NAV3: variants seen among roughly 807,000 people sequenced by gnomAD.
The protein encoded by NAV3 is neuron navigator 3, also known as pore membrane and/or filament interacting like protein 1.
Under a neutral mutation model 244.7 loss-of-function variants are expected in NAV3, and 87 were observed. That is an observed-to-expected ratio of 0.36 (90% CI 0.30 to 0.42). The LOEUF (loss-of-function observed/expected upper bound fraction) is 0.42. Among genes scored for constraint, NAV3 ranks in the 20% least tolerant of loss-of-function variants. The pLI, the probability that NAV3 is intolerant of heterozygous loss-of-function variation, is 1.00. For synonymous variants in NAV3, 1,126 were observed against 1,042.2 expected (o/e 1.08, Z -1.55); for missense variants, 2,663 against 2,893.3 (o/e 0.92, Z 1.83).
chr12:77,769,212 A>G (rs1435956717), intron 2 of NAV3, among the ~76,000 whole-genome samples: 2 of 152,206 alleles, frequency 1.3e-5, no homozygotes, highest in African/African-American at 2.4e-5. Flanking sequence ...ACTACAATAT[A>G]GTTGCTGCAT....
Position 78,178,160 on chromosome 12 carries a change from GTTT to G in NAV3, c.5363+490_5363+492del, listed in dbSNP as rs3054763. Among the ~76,000 whole-genome samples, 190 of 120,554 alleles carry G rather than the reference GTTT, an allele frequency of 1.6e-3. 1 individual carries two copies. The highest frequency in any genetic ancestry group is 4.2e-3 in the African/African-American group (144 of 34,202). 79.1% of individuals were successfully genotyped at this position (120,554 alleles called of 152,430 possible). A position where few individuals can be genotyped will look rare whatever the true frequency, so the allele number is the denominator to read the frequency against. ...TGGTCTCTATCTTCCTCAAAATAGT[GTTT>G]TTTTTTTTTTTTTTGAAACAAAGTC... On this transcript the variant is annotated intron_variant, in intron 28 of 39. Coordinates refer to ENST00000397909, the MANE Select transcript of NAV3 (RefSeq NM_001024383.2).
At chr12:77,582,532 TATTA>T (rs577957835) in intron 2 of NAV3, among the ~76,000 whole-genome samples, 164 of 152,346 alleles carry the variant, frequency 1.1e-3, no homozygotes, top group African/African-American at 3.8e-3. Context: ...TAGGAAGTTT[TATTA>T]ATTGTTAGGA....
chr12:78,078,375 C>CTTTTTTTTTTTT (rs71088356), intron 12 of NAV3, among the ~76,000 whole-genome samples: 1 of 67,808 alleles, frequency 1.5e-5, no homozygotes, highest in African/African-American at 6.0e-5. Flanking sequence ...TCTTTCCACT[C>CTTTTTTTTTTTT]TTTTTTTTTT....
chr12:78,065,578 G>A (rs1312995403), intron 12 of NAV3, among the ~76,000 whole-genome samples: 6 of 152,124 alleles, frequency 3.9e-5, no homozygotes, highest in Non-Finnish European at 7.3e-5. Flanking sequence ...GAGAGAAGAG[G>A]AAATATGCAA....
intron 12 of NAV3, among the ~76,000 whole-genome samples, chr12:78,074,196 G>T (rs1437009288): frequency 6.6e-6 from 1 of 152,118 alleles, no homozygotes; most frequent in Non-Finnish European, 1.5e-5. Flanking sequence ...AAAAAGGCTT[G>T]GGAATTTTAG....
chr12:77,638,992 G>A (rs1161337868), intron 2 of NAV3, among the ~76,000 whole-genome samples: 1 of 152,096 alleles, frequency 6.6e-6, no homozygotes, highest in African/African-American at 2.4e-5. Context: ...TCTATTTAAA[G>A]ATCATAGGGG....
chr12:77,750,481 C>G (rs12146778), intron 2 of NAV3, among the ~76,000 whole-genome samples: 68,288 of 151,524 alleles, frequency 0.45, 15,684 homozygotes, highest in Middle Eastern at 0.51. Flanking sequence ...GCAGTGCGCT[C>G]TAATCATGCC....
At chr12:77,660,220 A>T (rs1279721517) in intron 2 of NAV3, among the ~76,000 whole-genome samples, 1 of 152,206 alleles carries the variant, frequency 6.6e-6, no homozygotes, top group Non-Finnish European at 1.5e-5. Context: ...GTTTAACTGA[A>T]GTTCTTTAAT....
intron 3 of NAV3, among the ~76,000 whole-genome samples, chr12:77,965,935 T>C (rs1229903262): frequency 6.6e-6 from 1 of 152,158 alleles, no homozygotes; most frequent in Non-Finnish European, 1.5e-5. Flanking sequence ...CGGGGACTTA[T>C]TTGCAAAATA....
At chr12:77,712,994 G>A (rs142840743) in intron 2 of NAV3, among the ~76,000 whole-genome samples, 78 of 152,270 alleles carry the variant, frequency 5.1e-4, no homozygotes, top group African/African-American at 1.8e-3. Context: ...ACTGTCTGAT[G>A]TTGACCCCCT....
intron 3 of NAV3, among the ~76,000 whole-genome samples, chr12:77,955,880 A>G (rs1240159452): frequency 1.3e-5 from 2 of 152,090 alleles, no homozygotes; most frequent in African/African-American, 4.8e-5. Context: ...CGAAAAAAGA[A>G]AAGAAAAGAA....
At position 78,212,003 on chromosome 12, in the gene NAV3, G is replaced by A. The variant is rs899467434; in HGVS notation, c.*1486G>A. The A allele has an allele frequency of 2.6e-5, 4 of 152,560 alleles. No individual in the cohort carries two copies. Among genetic ancestry groups the A allele is most frequent in the African/African-American group, 9.7e-5 (4 of 41,436 alleles). The allele number at this position is 152,560 out of a possible 1,614,324, so 9.5% of individuals were successfully genotyped here. On this transcript the variant is annotated 3_prime_UTR_variant, in exon 40 of 40. Transcript: ENST00000397909. Reference sequence around the variant, plus strand: ...GGTGTTTCACTTGCTGAGATTTCCTGTACATTGCAAACAAATACAGAATGC... The same window carrying A: ...GGTGTTTCACTTGCTGAGATTTCCTATACATTGCAAACAAATACAGAATGC...
intron 9 of NAV3, chr12:78,037,060 G>A (rs769281559): frequency 5.7e-5 from 40 of 702,778 alleles, no homozygotes; most frequent in Non-Finnish European, 9.9e-5. Flanking sequence ...GCAGAGCGGC[G>A]CTCACTGTCC....
At chr12:77,729,821 A>G (rs1464863898) in intron 2 of NAV3, among the ~76,000 whole-genome samples, 1 of 151,930 alleles carries the variant, frequency 6.6e-6, no homozygotes. Flanking sequence ...AGGATATCAG[A>G]CACAATAGAG....
chr12:77,924,077 T>A (rs1887962136), intron 1 of NAV3, among the ~76,000 whole-genome samples: 1 of 152,158 alleles, frequency 6.6e-6, no homozygotes. Flanking sequence ...TGAATTTCAA[T>A]GGCTCTGTAC....
At chr12:78,092,613 G>A (rs1248504379) in intron 12 of NAV3, among the ~76,000 whole-genome samples, 2 of 147,300 alleles carry the variant, frequency 1.4e-5, no homozygotes, top group African/African-American at 5.0e-5. Flanking sequence ...CATTTTCCTG[G>A]CTCAGCCTCC....
At chr12:77,604,846 A>C (rs540416475) in intron 2 of NAV3, among the ~76,000 whole-genome samples, 1 of 152,124 alleles carries the variant, frequency 6.6e-6, no homozygotes, top group South Asian at 2.1e-4. Context: ...TCTGCATAGA[A>C]CTGTACTTTT....
chr12:77,976,885 G>A (rs750882887), intron 5 of NAV3, among the ~76,000 whole-genome samples: 2 of 151,798 alleles, frequency 1.3e-5, no homozygotes, highest in Non-Finnish European at 2.9e-5. Flanking sequence ...CACCATGTTG[G>A]CAAGGATGGT....
chr12:77,925,640 C>A (rs1358587474), intron 1 of NAV3, among the ~76,000 whole-genome samples: 1 of 151,988 alleles, frequency 6.6e-6, no homozygotes, highest in Non-Finnish European at 1.5e-5. Flanking sequence ...CATCGCTTTG[C>A]GGTTTGACAA....
Sources: gnomAD v4.1 joint callset for allele counts (sites outside exome capture counted in the v4.1 genomes callset) on GRCh38, gnomAD v4.1.1 for gene constraint, MANE v1.5 for transcripts, NCBI Gene and HGNC (gene_info 2026-07-23, HGNC 2026-07-21) for gene names.